The following N4BP2 variants were observed in gnomAD, a reference collection of about 807,000 sequenced individuals.
The protein encoded by N4BP2 is NEDD4-binding protein 2.
In N4BP2, 91 loss-of-function variants were observed where a neutral mutation model predicts 152.8. The observed-to-expected ratio is 0.60, with a 90% CI of 0.50 to 0.71. N4BP2 has a LOEUF of 0.71. Ranked by LOEUF, N4BP2 falls within the 30% of genes least tolerant of loss-of-function variation. The pLI, the probability that N4BP2 is intolerant of heterozygous loss-of-function variation, is 0.00. For synonymous variants in N4BP2, 646 were observed against 705.3 expected, an observed-to-expected ratio of 0.92 and a Z score of 1.33; for missense variants, 1,923 against 2,059.1, an observed-to-expected ratio of 0.93 and a Z score of 1.28.
At chr4:40,086,853 T>A (rs1714018038) in intron 2 of N4BP2, among the ~76,000 whole-genome samples, 1 of 152,058 alleles carries the variant, frequency 6.6e-6, no homozygotes, top group Non-Finnish European at 1.5e-5. Context: ...GCTGAAGTGA[T>A]CCTCCCATCT....
At chr4:40,072,332 G>A (rs930576408) in intron 1 of N4BP2, among the ~76,000 whole-genome samples, 2 of 147,290 alleles carry the variant, frequency 1.4e-5, no homozygotes, top group African/African-American at 5.0e-5. Context: ...TGCAACCTTC[G>A]ACTCCCTGGT....
intron 5 of N4BP2, among the ~76,000 whole-genome samples, chr4:40,109,855 G>GTA (rs1315876527): frequency 6.6e-6 from 1 of 152,146 alleles, no homozygotes; most frequent in Non-Finnish European, 1.5e-5. Flanking sequence ...CATTTAAATT[G>GTA]TATAATTCAG....
At chr4:40,165,042 T>C in the N4BP2 span, among the ~76,000 whole-genome samples, 2 of 152,132 alleles carry the variant, frequency 1.3e-5, no homozygotes, top group African/African-American at 4.8e-5. Flanking sequence ...TTTTCAAAAA[T>C]AATTTTTGGC....
At chr4:40,080,703 G>T (rs142875658) in intron 2 of N4BP2, among the ~76,000 whole-genome samples, 42 of 151,722 alleles carry the variant, frequency 2.8e-4, no homozygotes, top group African/African-American at 8.0e-4. Flanking sequence ...ATCTCGCCCG[G>T]CTGGAGTGCA....
At chr4:40,170,476 G>A in the N4BP2 span, among the ~76,000 whole-genome samples, 17 of 152,182 alleles carry the variant, frequency 1.1e-4, 1 homozygote, top group South Asian at 2.9e-3. Context: ...AAAATTAGCC[G>A]GGTGTGGTGG....
chr4:40,127,245 G>A (rs1411089521), intron 12 of N4BP2, among the ~76,000 whole-genome samples: 1 of 151,846 alleles, frequency 6.6e-6, no homozygotes, highest in Non-Finnish European at 1.5e-5. Context: ...TTGAAACAGG[G>A]TCTTGCTCTG....
chr4:40,085,860 G>T (rs1022270887), intron 2 of N4BP2, among the ~76,000 whole-genome samples: 2 of 152,002 alleles, frequency 1.3e-5, no homozygotes, highest in Non-Finnish European at 2.9e-5. Context: ...TCTAGTTGTT[G>T]GTATAAAGAA....
chr4:40,123,476 G>T (rs1349800923), intron 10 of N4BP2, among the ~76,000 whole-genome samples: 1 of 151,802 alleles, frequency 6.6e-6, no homozygotes, highest in African/African-American at 2.4e-5. Flanking sequence ...TGTAATTGTT[G>T]ATTTTTTTTA....
Position 40,127,120 on chromosome 4 carries a change from G to C in N4BP2, c.4527+790G>C, listed in dbSNP as rs1042562661. Among the ~76,000 whole-genome samples the C allele has an allele frequency of 2.6e-5, 4 of 151,778 alleles. No individual in the cohort carries two copies. The East Asian group carries it at 5.8e-4, about 22-fold the overall frequency. ...TGCCCAGGCTGGTCTCGAGTTCTGG[G>C]GTCAGTGATTCACCTGCCTTGCCCT... is the stretch of plus-strand genomic sequence containing the variant. On this transcript the variant is annotated intron_variant, in intron 12 of 17. Transcript: ENST00000261435.
rs777097021 is a variant in N4BP2 at position 40,113,456 on chromosome 4, C to G, written c.1612C>G (p.Leu538Val). The G allele has an allele frequency of 6.2e-7, 1 of 1,612,582 alleles. No homozygotes were observed. The highest frequency in any genetic ancestry group is 8.5e-7 in the Non-Finnish European group (1 of 1,179,100). ...GTCTCAGAAACACAAATATAAAGTC[C>G]TTTTTCGGGAACCAGACACATGGTG... is the stretch of plus-strand genomic sequence containing the variant. ...ALSQKHKYKV[L>V]FREPDTWWKF... Residue 538 changes from leucine (L) to valine (V), a missense_variant, in exon 7 of 18, where the codon CTT becomes GTT. By Grantham distance (32) the Leu-to-Val change is conservative. Coordinates refer to ENST00000261435, the MANE Select transcript of N4BP2 (RefSeq NM_018177.6).
chr4:40,099,246 A>G (rs1271625441), intron 3 of N4BP2, among the ~76,000 whole-genome samples: 4 of 151,822 alleles, frequency 2.6e-5, no homozygotes, highest in Non-Finnish European at 5.9e-5. Context: ...GTGTTTTAAG[A>G]TTTTTTGTTT....
At position 40,131,879 on chromosome 4, in the gene N4BP2, A is replaced by G. The variant is rs1718936285; in HGVS notation, c.4606A>G (p.Ile1536Val). The G allele has an allele frequency of 6.2e-7, 1 of 1,613,572 alleles. No individual in the cohort carries two copies. The highest frequency in any genetic ancestry group is 8.5e-7 in the Non-Finnish European group (1 of 1,179,628). Residue 1536 changes from isoleucine to valine, a missense_variant, in exon 13 of 18, where the codon ATT (isoleucine) becomes GTT (valine). Transcript: ENST00000261435. ...EKQLFKIFPA[I>V]NQNFLVDIFK... ...GCAGCTCTTTAAGATATTTCCAGCC[A>G]TTAACCAAAATTTTCTGGTGGACAT...
At chr4:40,086,131 ATT>A (rs59899449) in intron 2 of N4BP2, among the ~76,000 whole-genome samples, 4 of 130,234 alleles carry the variant, frequency 3.1e-5, no homozygotes, top group Non-Finnish European at 3.2e-5. Context: ...TGCCCGGCTA[ATT>A]TTTTTTTTTT....
chr4:40,085,400 C>T (rs1040038890), intron 2 of N4BP2, among the ~76,000 whole-genome samples: 1 of 152,160 alleles, frequency 6.6e-6, no homozygotes, highest in Admixed American at 6.6e-5. Context: ...GGTCTACAGT[C>T]AGAGAAGAGT....
chr4:40,158,397 C>A (rs1435536302), downstream of N4BP2: 3 of 152,066 alleles, frequency 2.0e-5, no homozygotes, highest in Non-Finnish European at 4.4e-5. Flanking sequence ...TTCTGGTTTA[C>A]GTTTTCTGTA....
intron 2 of N4BP2, among the ~76,000 whole-genome samples, chr4:40,094,024 C>T (rs1355717769): frequency 2.0e-5 from 3 of 152,090 alleles, no homozygotes; most frequent in Admixed American, 6.5e-5. Flanking sequence ...TCCAGGTAGG[C>T]GTGAGCCACC....
At chr4:40,080,240 C>T (rs1713216306) in intron 2 of N4BP2, among the ~76,000 whole-genome samples, 1 of 151,474 alleles carries the variant, frequency 6.6e-6, no homozygotes. Flanking sequence ...GCATCACTTA[C>T]AGTAGAATAT....
intron 16 of N4BP2, among the ~76,000 whole-genome samples, chr4:40,147,204 G>A (rs527348473): frequency 2.1e-4 from 31 of 150,922 alleles, no homozygotes; most frequent in African/African-American, 7.3e-4. Context: ...CACAGCACAT[G>A]TTTCAGAGAG....
At chr4:40,069,888 C>A (rs1381403917) in intron 1 of N4BP2, among the ~76,000 whole-genome samples, 1 of 152,130 alleles carries the variant, frequency 6.6e-6, no homozygotes, top group African/African-American at 2.4e-5. Context: ...GCACTCCAGC[C>A]TGGGTGGCAG....
Sources: gnomAD v4.1 joint callset for allele counts (sites outside exome capture counted in the v4.1 genomes callset) on GRCh38, gnomAD v4.1.1 for gene constraint, MANE v1.5 for transcripts, NCBI Gene and HGNC (gene_info 2026-07-23, HGNC 2026-07-21) for gene names.